Variants in C4orf50 observed in about 807,000 individuals in gnomAD.
C4orf50 encodes the protein chromosome 4 open reading frame 50.
A neutral mutation model predicts 77.2 loss-of-function variants in C4orf50; 80 were observed. That is an observed-to-expected ratio of 1.04 (90% CI 0.87 to 1.25). C4orf50 has a LOEUF of 1.25. Ranked by LOEUF, C4orf50 falls within the 50% of genes most tolerant of loss-of-function variation. The pLI is 0.00. For missense variants in C4orf50, 1,257 were observed against 1,152.9 expected (o/e 1.09, Z -1.31); for synonymous variants, 532 against 465.3 (o/e 1.14, Z -1.84).
At chr4:5,959,683 T>A in intron 33 of C4orf50, 57 bp from the exon 12 acceptor site, 1 of 1,552,032 alleles carries the variant, frequency 6.4e-7, no homozygotes, top group Admixed American at 1.9e-5. Flanking sequence ...TAAAAGCCCC[T>A]CCATTCACAC....
chr4:5,941,198 G>C (rs73067492), intron 7 of C4orf50, among the ~76,000 whole-genome samples: 5,392 of 152,246 alleles, frequency 0.035, 330 homozygotes, highest in African/African-American at 0.12. Context: ...TGCTTCCTTT[G>C]TGCCAGAGTC....
intron 29 of C4orf50, among the ~76,000 whole-genome samples, chr4:5,976,457 GAA>G (rs138450804): frequency 0.19 from 17,128 of 92,452 alleles, 1,165 homozygotes; most frequent in African/African-American, 0.21. Flanking sequence ...CTCTGTCTCG[GAA>G]AAAAAAAAAA....
In C4orf50 at chr4:6,009,859, C is replaced by T. The variant is rs1008730189; in HGVS notation, c.427-1327G>A. Among the ~76,000 whole-genome samples, 2 of 152,174 alleles carry T rather than the reference C, an allele frequency of 1.3e-5. No individual in the cohort carries two copies. Among genetic ancestry groups the T allele is most frequent in the African/African-American group, 4.8e-5 (2 of 41,442 alleles). Reference sequence around the variant, plus strand: ...CAAGGGGCAACTGAGAGACCCTAAGCAATTTCCCTATCACTTTGAACATCT... The same window carrying T: ...CAAGGGGCAACTGAGAGACCCTAAGTAATTTCCCTATCACTTTGAACATCT... On this transcript the variant is annotated intron_variant, in intron 24 of 33. Transcript: ENST00000531445. The surrounding 1 kb of genome is among the most constrained non-coding windows in gnomAD (Gnocchi z 5.6).
chr4:5,954,036 T>C (rs1355977392), downstream of C4orf50, among the ~76,000 whole-genome samples: 2 of 152,130 alleles, frequency 1.3e-5, no homozygotes, highest in African/African-American at 4.8e-5. This position sits in a 1 kb window ranked among gnomAD's most constrained non-coding sequence, Gnocchi z 4.7. Flanking sequence ...AAGAGCAGGG[T>C]CGATGCCTCT....
Position 5,958,681 on chromosome 4 carries a change from C to T in C4orf50, c.*694G>A, listed in dbSNP as rs567399799. 1.1e-4 allele frequency: 16 copies of T among 152,304 alleles called. No homozygotes were observed. Among genetic ancestry groups the T allele is most frequent in the African/African-American group, 3.9e-4 (16 of 41,550 alleles). The allele number at this position is 152,304 out of a possible 1,614,324, so 9.4% of individuals were successfully genotyped here. On this transcript the variant is annotated 3_prime_UTR_variant, in exon 34 of 34. Coordinates refer to ENST00000531445, the Ensembl canonical transcript of C4orf50. This position sits in a 1 kb window ranked among gnomAD's most constrained non-coding sequence, Gnocchi z 5.4. ...TCCTTCATGCCACATTGCCTGGCAT[C>T]CAGTGGATATCAACAGACGTTTTTG...
intron 23 of C4orf50, among the ~76,000 whole-genome samples, chr4:6,012,939 T>C (rs568874113): frequency 6.6e-6 from 1 of 152,212 alleles, no homozygotes; most frequent in Non-Finnish European, 1.5e-5. Context: ...ATATCCTCAC[T>C]CCTTCCCAAG....
chr4:5,910,036 T>C (rs1359964292), intron 7 of C4orf50, among the ~76,000 whole-genome samples: 1 of 152,198 alleles, frequency 6.6e-6, no homozygotes, highest in Non-Finnish European at 1.5e-5. Flanking sequence ...TCTATCTCTG[T>C]AAAGAATGGC....
At position 5,916,572 on chromosome 4, in the gene C4orf50, G is replaced by T. The variant is rs1201686217; in HGVS notation, c.*2475-18384C>A. ...ATTACTCTGCAAGTTTCTAAAAGCT[G>T]CCTGTCTTGGATTGGGCACCCTCAA... On this transcript the variant is annotated intron_variant, in intron 7 of 7. Transcript: ENST00000324058. This position sits in a 1 kb window ranked among gnomAD's most constrained non-coding sequence, Gnocchi z 4.4. 1.3e-5 allele frequency among the ~76,000 whole-genome samples: 2 copies of T among 152,224 alleles called. No homozygotes were observed. Among genetic ancestry groups the T allele is most frequent in the East Asian group, 1.9e-4 (1 of 5,198 alleles).
At chr4:5,977,002 C>T (rs1382222675) in intron 29 of C4orf50, among the ~76,000 whole-genome samples, 2 of 152,240 alleles carry the variant, frequency 1.3e-5, no homozygotes, top group Admixed American at 1.3e-4. Flanking sequence ...TCTTCTGTTT[C>T]TGAGCCAGGA....
At chr4:6,001,868 C>T (rs1349586604) in intron 25 of C4orf50, among the ~76,000 whole-genome samples, 1 of 152,258 alleles carries the variant, frequency 6.6e-6, no homozygotes, top group Non-Finnish European at 1.5e-5. Context: ...AGGCAGAGCA[C>T]ACCCAGCCCC....
intron 28 of C4orf50, among the ~76,000 whole-genome samples, chr4:5,981,757 A>G (rs776285676): frequency 3.3e-5 from 5 of 152,218 alleles, no homozygotes; most frequent in Non-Finnish European, 7.4e-5. Flanking sequence ...GCCTTAGAAG[A>G]AACAGCACTG....
chr4:5,996,210 T>C (rs1721582037), intron 25 of C4orf50, among the ~76,000 whole-genome samples: 1 of 152,176 alleles, frequency 6.6e-6, no homozygotes, highest in African/African-American at 2.4e-5. Context: ...CCTTCCCATA[T>C]GCTGTTCCTG....
chr4:5,931,022 A>G (rs1192034169), intron 7 of C4orf50, among the ~76,000 whole-genome samples: 1 of 152,220 alleles, frequency 6.6e-6, no homozygotes, highest in Non-Finnish European at 1.5e-5. Context: ...CAGCTGGCAA[A>G]GCTCACATGA....
intron 7 of C4orf50, among the ~76,000 whole-genome samples, chr4:5,948,554 T>C (rs1326902723): frequency 6.6e-6 from 1 of 152,180 alleles, no homozygotes; most frequent in Non-Finnish European, 1.5e-5. Context: ...CCCAGCACTT[T>C]GGGAGGCCGA....
intron 7 of C4orf50, among the ~76,000 whole-genome samples, chr4:5,910,711 G>A (rs1041177942): frequency 3.9e-5 from 6 of 152,238 alleles, no homozygotes; most frequent in South Asian, 2.1e-4. Context: ...AATCTTCTAT[G>A]TGTGTAGCCC....
chr4:5,974,518 G>C (rs891208211), intron 30 of C4orf50, among the ~76,000 whole-genome samples: 1 of 152,194 alleles, frequency 6.6e-6, no homozygotes, highest in African/African-American at 2.4e-5. Context: ...TCTGGCTCAT[G>C]TTTCTGATTT....
At position 6,000,766 on chromosome 4, in the gene C4orf50, G is replaced by T. The variant is rs903321616; in HGVS notation, c.964-6290C>A. 3.9e-5 allele frequency among the ~76,000 whole-genome samples: 6 copies of T among 152,164 alleles called. No homozygotes were observed. Among genetic ancestry groups the T allele is most frequent in the African/African-American group, 1.4e-4 (6 of 41,432 alleles). On this transcript the variant is annotated intron_variant, in intron 25 of 33. Coordinates refer to ENST00000531445, the Ensembl canonical transcript of C4orf50. The surrounding 1 kb of genome is among the most constrained non-coding windows in gnomAD (Gnocchi z 6.0). ...ACCATCAAATCCTGACTGTTGACCT[G>T]TTGACCAGTATTTACTGAAGAAACA...
intron 7 of C4orf50, among the ~76,000 whole-genome samples, chr4:5,911,729 CAAAACA>C (rs1042595191): frequency 1.4e-4 from 21 of 152,196 alleles, no homozygotes; most frequent in East Asian, 3.9e-4. Context: ...AACTGGCTCT[CAAAACA>C]AAAACAAAAA....
At chr4:5,965,624 A>G (rs13132344) in intron 32 of C4orf50, among the ~76,000 whole-genome samples, 53,831 of 152,066 alleles carry the variant, frequency 0.35, 9,763 homozygotes, top group Admixed American at 0.44. Flanking sequence ...AAAATTAGTG[A>G]CAGAAGCAGA....
Sources: allele counts gnomAD v4.1 joint callset (sites outside exome capture counted in the v4.1 genomes callset), GRCh38; gene constraint gnomAD v4.1.1; non-coding constraint Gnocchi (gnomAD v3.1); transcripts MANE v1.5; gene names NCBI Gene and HGNC (gene_info 2026-07-23, HGNC 2026-07-21).